The following MYBPC2 variants were observed in gnomAD, a reference collection of about 807,000 sequenced individuals.
MYBPC2 encodes myosin binding protein C2.
In MYBPC2, 122 loss-of-function variants were observed where a neutral mutation model predicts 137.0. That is an observed-to-expected ratio of 0.89 (90% CI 0.77 to 1.03). The LOEUF (loss-of-function observed/expected upper bound fraction) is 1.03, where lower values mean the gene tolerates loss of function less well. Among genes scored for constraint, MYBPC2 ranks in the 50% least tolerant of loss-of-function variants. The pLI is 0.00. For synonymous variants in MYBPC2, 626 were observed against 612.3 expected (o/e 1.02, Z -0.33); for missense variants, 1,500 against 1,534.4 (o/e 0.98, Z 0.37).
At chr19:50,437,136 G>A (rs1205157613) in intron 5 of MYBPC2, among the ~76,000 whole-genome samples, 2 of 152,106 alleles carry the variant, frequency 1.3e-5, no homozygotes, top group African/African-American at 2.4e-5. Context: ...GGGCCCCTGA[G>A]GGTGTATGGG....
In MYBPC2 at chr19:50,458,938, C is replaced by T. The variant is rs757854161; in HGVS notation, c.2527C>T (p.Pro843Ser). The T allele has an allele frequency of 3.7e-6, 6 of 1,612,402 alleles. No individual in the cohort carries two copies. The East Asian group carries it at 1.1e-4, about 30-fold the overall frequency. Residue 843 changes from proline to serine, a missense_variant, in exon 22 of 28, where the codon CCC (proline) becomes TCC (serine). Physicochemically the swap from Pro to Ser is moderately conservative, Grantham distance 74. Coordinates refer to ENST00000357701, the MANE Select transcript of MYBPC2 (RefSeq NM_004533.4). ...CTCAGAGCCACCCAAGATCCGGCTT[C>T]CCCGCCATCTCCGCCAGACCTACAT... ...EIAEPPKIRL[P>S]RHLRQTYIRK... is the part of the protein sequence containing the mutation.
At chr19:50,438,636 T>G (rs2039724852) in intron 7 of MYBPC2, among the ~76,000 whole-genome samples, 1 of 151,924 alleles carries the variant, frequency 6.6e-6, no homozygotes, top group South Asian at 2.1e-4. Context: ...GAGACCAGTG[T>G]GGGAAGATCA....
rs138764172 is a variant in MYBPC2 at position 50,437,518 on chromosome 19, G to T, written c.509G>T (p.Arg170Leu). ...ASGQSLESFKRTSEKKSDTAG... is the reference protein window; with the variant it reads ...ASGQSLESFKLTSEKKSDTAG... The stretch of plus-strand genomic sequence containing the variant: ...GGGCAGAGTCTAGAAAGCTTCAAGC[G>T]TACGTAAGTGACCCCAGGCCCTTAC... Residue 170 changes from arginine (R) to leucine (L), a missense_variant, in exon 6 of 28, where the codon CGT becomes CTT. By Grantham distance (102) the Arg-to-Leu change is moderately radical (BLOSUM62 -2). Coordinates refer to ENST00000357701, the MANE Select transcript of MYBPC2 (RefSeq NM_004533.4). 6.2e-7 allele frequency: 1 copy of T among 1,610,076 alleles called. No homozygotes were observed. The highest frequency in any genetic ancestry group is 8.5e-7 in the Non-Finnish European group (1 of 1,178,228).
intron 15 of MYBPC2, 69 bp downstream of exon 15, chr19:50,451,378 T>G: frequency 2.5e-5 from 31 of 1,259,260 alleles, no homozygotes; most frequent in Non-Finnish European, 3.0e-5. Context: ...AGGAGGGGAA[T>G]GGCCGAGGGA....
rs182566724 is a variant in MYBPC2, at chr19:50,465,992, G to C, written c.3416-203G>C. ...GTGACCGCGTACAGCCAGCAGCTCA[G>C]AATGTCCCCATCTGGGATCCAAAAT... On this transcript the variant is annotated intron_variant, in intron 27 of 27. Coordinates refer to ENST00000357701, the MANE Select transcript of MYBPC2 (RefSeq NM_004533.4). This position sits in a 1 kb window ranked among gnomAD's most constrained non-coding sequence, Gnocchi z 4.5. 1.3e-5 allele frequency among the ~76,000 whole-genome samples: 2 copies of C among 152,266 alleles called. No homozygotes were observed. The highest frequency in any genetic ancestry group is 6.5e-5 in the Admixed American group (1 of 15,290).
chr19:50,442,035 T>C (rs2039760716), intron 8 of MYBPC2, 146 bp from the exon 9 acceptor site: 2 of 1,070,156 alleles, frequency 1.9e-6, no homozygotes, highest in South Asian at 1.7e-5. Context: ...TTCTCAAGGA[T>C]CTCTAAGTTC....
rs200726545 is a variant in MYBPC2 at position 50,452,433 on chromosome 19, AATCT to A, written c.1749+439_1749+442del. Among the ~76,000 whole-genome samples the A allele has an allele frequency of 1.9e-3, 269 of 142,096 alleles. 1 individual carries two copies. The highest frequency in any genetic ancestry group is 8.3e-3 in the East Asian group (40 of 4,844). The allele number at this position is 142,096 out of a possible 152,430, so 93.2% of individuals were successfully genotyped here. ...TTCAATCTATCTATATAATCTATCT[AATCT>A]ATCTATCTGTCTATCTATCTATGTA... is the stretch of plus-strand genomic sequence containing the variant. On this transcript the variant is annotated intron_variant, in intron 16 of 27. Coordinates refer to ENST00000357701, the MANE Select transcript of MYBPC2 (RefSeq NM_004533.4).
chr19:50,458,735 C>T lies in MYBPC2; in HGVS notation c.2487C>T (p.Val829=). ...RSEPATLAQP[V]TIREIAEPPK... is the part of the protein sequence containing the mutation. ...AGCCGGCCACCCTGGCCCAGCCGGT[C>T]ACCATCAGGGAGATTGCGGGTGCGT... The change falls in exon 21 of 28, where the codon GTC becomes GTT. Residue 829 remains valine, a synonymous_variant. Transcript: ENST00000357701. The T allele has an allele frequency of 6.2e-7, 1 of 1,608,600 alleles. No homozygotes were observed. Among genetic ancestry groups the T allele is most frequent in the Non-Finnish European group, 8.5e-7 (1 of 1,179,826 alleles).
chr19:50,438,177 A>G (rs1282687375), intron 7 of MYBPC2, among the ~76,000 whole-genome samples: 1 of 152,108 alleles, frequency 6.6e-6, no homozygotes, highest in Non-Finnish European at 1.5e-5. Flanking sequence ...CTACCTGCCC[A>G]GTTGCCAATC....
intron 8 of MYBPC2, 103 bp from the exon 9 acceptor site, chr19:50,442,078 T>G: frequency 1.4e-6 from 2 of 1,410,716 alleles, no homozygotes; most frequent in Non-Finnish European, 1.9e-6. Flanking sequence ...CACTTTGACC[T>G]TGGAGAGCCC....
chr19:50,435,887 G>A lies in MYBPC2; in HGVS notation c.196+25G>A. 6.4e-7 allele frequency: 1 copy of A among 1,565,138 alleles called. No individual in the cohort carries two copies. The highest frequency in any genetic ancestry group is 8.7e-7 in the Non-Finnish European group (1 of 1,153,134). ...GGTGAGGGGAACCCGGGGGAGGAGGGGCTGCGGCCCGGACTCCTGGGTCTG... is the reference window on the plus strand; with the variant it reads ...GGTGAGGGGAACCCGGGGGAGGAGGAGCTGCGGCCCGGACTCCTGGGTCTG... On this transcript the variant is annotated intron_variant, in intron 3 of 27. Transcript: ENST00000357701. The surrounding 1 kb of genome is among the most constrained non-coding windows in gnomAD (Gnocchi z 4.8).
chr19:50,435,126 C>T lies in MYBPC2; in HGVS notation c.20-35C>T, dbSNP rs376888272. 2.1e-5 allele frequency: 17 copies of T among 821,442 alleles called. No homozygotes were observed. Among genetic ancestry groups the T allele is most frequent in the Admixed American group, 5.7e-5 (3 of 52,354 alleles). The allele number at this position is 821,442 out of a possible 1,614,324, so 50.9% of individuals were successfully genotyped here. A position where few individuals can be genotyped will look rare whatever the true frequency, so the allele number is the denominator to read the frequency against. On this transcript the variant is annotated intron_variant, in intron 1 of 27. Coordinates refer to ENST00000357701, the MANE Select transcript of MYBPC2 (RefSeq NM_004533.4). This position sits in a 1 kb window ranked among gnomAD's most constrained non-coding sequence, Gnocchi z 4.8. ...GAGGGAGGGGCATGGGTGTGCAGAC[C>T]GCATGCTCAACTATGACTGTCCCCT...
At chr19:50,455,425 A>G in intron 19 of MYBPC2, 85 bp from the exon 20 acceptor site, 1 of 1,568,082 alleles carries the variant, frequency 6.4e-7, no homozygotes, top group Non-Finnish European at 8.7e-7. Context: ...CTTCTGACCA[A>G]TCATTCTACC....
rs1157883778 is a variant in MYBPC2 at position 50,435,247 on chromosome 19, A to G, written c.106A>G (p.Lys36Glu). The G allele has an allele frequency of 8.1e-7, 1 of 1,237,528 alleles. No homozygotes were observed. The allele number at this position is 1,237,528 out of a possible 1,614,324, so 76.7% of individuals were successfully genotyped here. The change falls in exon 2 of 28, where the codon AAA (lysine) becomes GAA (glutamate). Residue 36 changes from lysine to glutamate, a missense_variant. Coordinates refer to ENST00000357701, the MANE Select transcript of MYBPC2 (RefSeq NM_004533.4). This position sits in a 1 kb window ranked among gnomAD's most constrained non-coding sequence, Gnocchi z 4.8. Reference sequence around the variant, plus strand: ...TAAGGAGGCTCCTGCAGAGGCCCCCAAAGGTGAGGAGGTGCTCCCTCGGGC... The same window carrying G: ...TAAGGAGGCTCCTGCAGAGGCCCCCGAAGGTGAGGAGGTGCTCCCTCGGGC... ...PPKEAPAEAPKEAPPEDQSPT... is the reference protein window; with the variant it reads ...PPKEAPAEAPEEAPPEDQSPT...
chr19:50,456,751 A>G (rs781083510), intron 20 of MYBPC2, among the ~76,000 whole-genome samples: 8 of 151,664 alleles, frequency 5.3e-5, no homozygotes, highest in Non-Finnish European at 1.0e-4. Context: ...TCATTTTTTC[A>G]TCCATATATC....
intron 8 of MYBPC2, 135 bp downstream of exon 8, chr19:50,441,211 G>A (rs905826706): frequency 3.9e-5 from 38 of 976,978 alleles, no homozygotes; most frequent in Non-Finnish European, 5.5e-5. Context: ...CTCTAGCGGT[G>A]GGCCTCGGAC....
intron 25 of MYBPC2, 57 bp from the exon 26 acceptor site, chr19:50,461,843 T>C (rs1012026988): frequency 7.6e-6 from 12 of 1,577,574 alleles, no homozygotes; most frequent in Non-Finnish European, 1.0e-5. Context: ...TGTTCCCTGG[T>C]TGGTGTCAGG....
At chr19:50,458,295 G>A (rs1361760678) in intron 20 of MYBPC2, among the ~76,000 whole-genome samples, 2 of 149,464 alleles carry the variant, frequency 1.3e-5, no homozygotes, top group Non-Finnish European at 1.5e-5. Flanking sequence ...GGGCGACAGG[G>A]CGAGACTCCA....
intron 20 of MYBPC2, among the ~76,000 whole-genome samples, chr19:50,457,629 G>T (rs562453014): frequency 2.0e-5 from 3 of 151,918 alleles, no homozygotes; most frequent in Admixed American, 2.0e-4. Context: ...CTCCTGCCTT[G>T]GCTTCCCAAA....
Sources: gnomAD v4.1 joint callset for allele counts (sites outside exome capture counted in the v4.1 genomes callset) on GRCh38, gnomAD v4.1.1 for gene constraint, Gnocchi (gnomAD v3.1) non-coding constraint, MANE v1.5 for transcripts, NCBI Gene and HGNC (gene_info 2026-07-23, HGNC 2026-07-21) for gene names.